Variants in JADE1 observed in about 807,000 individuals in gnomAD.
JADE1 encodes the protein protein Jade-1.
A neutral mutation model predicts 81.8 loss-of-function variants in JADE1; 14 were observed. That is an observed-to-expected ratio of 0.17 (90% CI 0.11 to 0.27). JADE1 has a LOEUF of 0.27. Among genes scored for constraint, JADE1 ranks in the 10% least tolerant of loss-of-function variants. JADE1 has a pLI of 1.00. For missense variants in JADE1, 690 were observed against 1,047.9 expected, an observed-to-expected ratio of 0.66 and a Z score of 4.71; for synonymous variants, 353 against 391.9, an observed-to-expected ratio of 0.90 and a Z score of 1.17.
In JADE1 at chr4:128,849,268, G is replaced by C. The variant is rs112024471; in HGVS notation, c.484+101G>C. 68 of 985,624 alleles carry C rather than the reference G, an allele frequency of 6.9e-5. 1 individual carries two copies. The African/African-American group carries it at 8.2e-4, about 12-fold the overall frequency. 61.1% of individuals were successfully genotyped at this position (985,624 alleles called of 1,614,324 possible). A position where few individuals can be genotyped will look rare whatever the true frequency, so the allele number is the denominator to read the frequency against. ...GAAAGCTCCTTATTGCCAGTTGCAG[G>C]CAGCTCCATCATAGCTTTAGTCAGT... On this transcript the variant is annotated intron_variant, in intron 5 of 10. Transcript: ENST00000226319.
In JADE1 at chr4:128,855,749, T is replaced by C. The variant is rs1414091706; in HGVS notation, c.816T>C (p.Arg272=). Residue 272 remains arginine (R), a synonymous_variant, in exon 7 of 11, where the codon CGT becomes CGC. Coordinates refer to ENST00000226319, the MANE Select transcript of JADE1 (RefSeq NM_199320.4). ...PKKGGAMKPT[R]SGTKWVHVSC... ...AGGGTGGAGCTATGAAGCCCACCCG[T>C]AGCGGAACCAAGTGGGTCCACGTTA... is the stretch of plus-strand genomic sequence containing the variant. 1.2e-6 allele frequency: 2 copies of C among 1,614,086 alleles called. No individual in the cohort carries two copies. Among genetic ancestry groups the C allele is most frequent in the South Asian group, 2.2e-5 (2 of 91,086 alleles).
chr4:128,832,853 G>A (rs1208759601), intron 2 of JADE1, among the ~76,000 whole-genome samples: 3 of 152,230 alleles, frequency 2.0e-5, no homozygotes, highest in Non-Finnish European at 2.9e-5. Context: ...TGCTGTAGGT[G>A]CCACCCTGTT....
intron 8 of JADE1, 91 bp from the exon 9 acceptor site, chr4:128,861,613 C>T: frequency 7.3e-7 from 1 of 1,375,194 alleles, no homozygotes; most frequent in Non-Finnish European, 1.0e-6. Flanking sequence ...CTTCTCTGTG[C>T]ATGTGTACAT....
chr4:128,855,680 A>G lies in JADE1; in HGVS notation c.747A>G (p.Thr249=). 6 of 1,614,170 alleles carry G rather than the reference A, an allele frequency of 3.7e-6. No individual in the cohort carries two copies. The highest frequency in any genetic ancestry group is 5.1e-6 in the Non-Finnish European group (6 of 1,179,994). Residue 249 remains threonine (T), a synonymous_variant, in exon 7 of 11, where the codon ACA becomes ACG. Coordinates refer to ENST00000226319, the MANE Select transcript of JADE1 (RefSeq NM_199320.4). Reference sequence around the variant, plus strand: ...CAGAGGGCAGCTGGCTGTGCCGGACATGTGCCCTGGGGGTTCAGCCAAAAT... The same window carrying G: ...CAGAGGGCAGCTGGCTGTGCCGGACGTGTGCCCTGGGGGTTCAGCCAAAAT... ...KVPEGSWLCR[T]CALGVQPKCL... is the part of the protein sequence containing the mutation.
chr4:128,859,259 T>G (rs182727198), intron 8 of JADE1, among the ~76,000 whole-genome samples: 2,824 of 151,992 alleles, frequency 0.019, 38 homozygotes, highest in Non-Finnish European at 0.028. Context: ...TGTGTGCATG[T>G]GTGGGGGTGT....
intron 1 of JADE1, among the ~76,000 whole-genome samples, chr4:128,826,498 C>G (rs1438021535): frequency 6.6e-6 from 1 of 151,740 alleles, no homozygotes; most frequent in African/African-American, 2.4e-5. Flanking sequence ...GCTGGGACTA[C>G]AGGCATGCAT....
In JADE1 at chr4:128,874,714, T is replaced by A. The variant is rs1353213098; in HGVS notation, c.*2452T>A. On this transcript the variant is annotated 3_prime_UTR_variant, in exon 11 of 11. Coordinates refer to ENST00000226319, the MANE Select transcript of JADE1 (RefSeq NM_199320.4). The stretch of plus-strand genomic sequence containing the variant: ...AACACCCACTTGCGTTCTATTAGTA[T>A]GGAACCATTTGCATTTGTTTTTTTT... 2 of 152,624 alleles carry A rather than the reference T, an allele frequency of 1.3e-5. No homozygotes were observed. Among genetic ancestry groups the A allele is most frequent in the Non-Finnish European group, 2.9e-5 (2 of 68,026 alleles). The allele number at this position is 152,624 out of a possible 1,614,324, so 9.5% of individuals were successfully genotyped here. A position where few individuals can be genotyped will look rare whatever the true frequency, so the allele number is the denominator to read the frequency against.
chr4:128,873,027 T>C lies in JADE1; in HGVS notation c.*765T>C, dbSNP rs1732306641. 2.4e-6 allele frequency: 1 copy of C among 414,196 alleles called. No homozygotes were observed. Among genetic ancestry groups the C allele is most frequent in the Admixed American group, 2.5e-5 (1 of 39,324 alleles). 25.7% of individuals were successfully genotyped at this position (414,196 alleles called of 1,614,324 possible). A position where few individuals can be genotyped will look rare whatever the true frequency, so the allele number is the denominator to read the frequency against. ...ATAAGGGCAGTTGAAGTAGAATTTT[T>C]ACCAGTCCACTTGACCTTCTTCTTC... is the stretch of plus-strand genomic sequence containing the variant. On this transcript the variant is annotated 3_prime_UTR_variant, in exon 11 of 11. Transcript: ENST00000226319.
intron 10 of JADE1, among the ~76,000 whole-genome samples, chr4:128,870,305 C>T (rs565163472): frequency 6.6e-6 from 1 of 152,190 alleles, no homozygotes; most frequent in South Asian, 2.1e-4. Context: ...GTTTCATTTG[C>T]TTGCAGTGTC....
chr4:128,814,195 A>G (rs1049912552), intron 1 of JADE1, among the ~76,000 whole-genome samples: 12 of 152,206 alleles, frequency 7.9e-5, no homozygotes, highest in African/African-American at 2.7e-4. Flanking sequence ...GGGTGAAACT[A>G]GAGGGAGAAA....
At chr4:128,822,740 A>G (rs1188693036) in intron 1 of JADE1, among the ~76,000 whole-genome samples, 2 of 152,060 alleles carry the variant, frequency 1.3e-5, no homozygotes, top group East Asian at 3.9e-4. Flanking sequence ...AAAAAGTTAA[A>G]ATCATATTAA....
At chr4:128,851,820 C>T (rs911216866) in intron 5 of JADE1, among the ~76,000 whole-genome samples, 2 of 152,146 alleles carry the variant, frequency 1.3e-5, no homozygotes, top group East Asian at 1.9e-4. Context: ...TGTGCCACCA[C>T]GTCTGGCTAA....
chr4:128,848,960 CTTG>C lies in JADE1; in HGVS notation c.297-17_297-15del. ...GTGGCTGAAAGGGTAACCTGGCTGC[CTTG>C]TTTTTTTATTATCCAGGGTTGTGTC... On this transcript the variant is annotated splice_polypyrimidine_tract_variant and intron_variant, in intron 4 of 10. Transcript: ENST00000226319. 1 of 1,611,498 alleles carries C rather than the reference CTTG, an allele frequency of 6.2e-7. No individual in the cohort carries two copies. Among genetic ancestry groups the C allele is most frequent in the Non-Finnish European group, 8.5e-7 (1 of 1,179,002 alleles).
chr4:128,817,774 C>A (rs746766036), intron 1 of JADE1, among the ~76,000 whole-genome samples: 1 of 152,144 alleles, frequency 6.6e-6, no homozygotes, highest in Non-Finnish European at 1.5e-5. Context: ...TGGAAGCTCT[C>A]CCCCAGAAAA....
At chr4:128,864,122 A>G (rs1731596885) in intron 9 of JADE1, 1 of 982,324 alleles carries the variant, frequency 1.0e-6, no homozygotes, top group Admixed American at 6.2e-5. Context: ...TAAAAAGCCT[A>G]AGGAACTTTA....
At chr4:128,855,571 G>A (rs1308447977) in intron 6 of JADE1, 59 bp from the exon 7 acceptor site, 1 of 1,467,134 alleles carries the variant, frequency 6.8e-7, no homozygotes, top group Non-Finnish European at 9.2e-7. Context: ...TAGATATAAT[G>A]GGAAAAATAA....
intron 1 of JADE1, among the ~76,000 whole-genome samples, chr4:128,818,561 G>A (rs1036720935): frequency 2.0e-5 from 3 of 152,082 alleles, no homozygotes; most frequent in African/African-American, 4.8e-5. Context: ...ACTACTGATC[G>A]GTTGATTTAT....
At chr4:128,835,081 C>A (rs537787833) in intron 2 of JADE1, among the ~76,000 whole-genome samples, 2 of 152,018 alleles carry the variant, frequency 1.3e-5, no homozygotes, top group African/African-American at 4.8e-5. Context: ...ACTCACAAGT[C>A]TGTACTGGCC....
intron 6 of JADE1, among the ~76,000 whole-genome samples, chr4:128,853,406 G>A (rs1047656354): frequency 2.6e-5 from 4 of 152,200 alleles, no homozygotes; most frequent in Non-Finnish European, 2.9e-5. Context: ...TTAGAGGAAA[G>A]CAGCCCCTTT....
Sources: allele counts gnomAD v4.1 joint callset (sites outside exome capture counted in the v4.1 genomes callset), GRCh38; gene constraint gnomAD v4.1.1; transcripts MANE v1.5; gene names NCBI Gene and HGNC (gene_info 2026-07-23, HGNC 2026-07-21).